The following ABCC12 variants were observed in gnomAD, a reference collection of about 807,000 sequenced individuals.
ABCC12 encodes the protein ATP binding cassette subfamily C member 12.
Under a neutral mutation model 151.1 loss-of-function variants are expected in ABCC12, and 142 were observed. The ratio of observed to expected loss-of-function variants is 0.94; its 90% CI spans 0.82 to 1.08. The LOEUF (loss-of-function observed/expected upper bound fraction) is 1.08. Ranked by LOEUF, ABCC12 falls within the 50% of genes least tolerant of loss-of-function variation. ABCC12 has a pLI of 0.00. For synonymous variants in ABCC12, 645 were observed against 646.4 expected (o/e 1.00, Z 0.03); for missense variants, 1,638 against 1,691.1 (o/e 0.97, Z 0.55).
intron 2 of ABCC12, 133 bp from the exon 3 acceptor site, chr16:48,146,607 T>A: frequency 1.7e-6 from 1 of 584,986 alleles, no homozygotes; most frequent in Middle Eastern, 3.8e-4. Flanking sequence ...GCTTTCCACA[T>A]TTGTAGGGGA....
intron 13 of ABCC12, among the ~76,000 whole-genome samples, chr16:48,118,735 C>G (rs1963972015): frequency 6.6e-6 from 1 of 152,204 alleles, no homozygotes; most frequent in Non-Finnish European, 1.5e-5. Context: ...GCCCAAGCAT[C>G]ATGCCCACAC....
At chr16:48,119,603 A>G (rs1597315023) in intron 13 of ABCC12, among the ~76,000 whole-genome samples, 1 of 152,252 alleles carries the variant, frequency 6.6e-6, no homozygotes, top group African/African-American at 2.4e-5. Flanking sequence ...ACAGGACGGC[A>G]TGGCCGGGGA....
At position 48,143,971 on chromosome 16, in the gene ABCC12, G is replaced by A; in HGVS notation, c.214C>T (p.Leu72=). ...AATGGGGGCAGGGTGTCTACGGTCA[G>A]CCTTTGCCGGTAGCCTTTCACCATC... ...PVMVKGYRQR[L]TVDTLPPLST... Residue 72 remains leucine (L), a synonymous_variant, in exon 4 of 31, where the codon CTG becomes TTG. Coordinates refer to ENST00000311303, the MANE Select transcript of ABCC12 (RefSeq NM_001393797.1). The A allele has an allele frequency of 1.2e-6, 2 of 1,614,166 alleles. No individual in the cohort carries two copies. The highest frequency in any genetic ancestry group is 1.7e-6 in the Non-Finnish European group (2 of 1,180,046).
At position 48,088,633 on chromosome 16, in the gene ABCC12, G is replaced by C. The variant is rs1266437104; in HGVS notation, c.3387C>G (p.Tyr1129Ter). ...EITFRDYQMR[Y>*]RDNTPLVLDS... is the part of the protein sequence containing the mutation. ...CGAGAACAAGGGGGGTGTTGTCTCT[G>C]TATCTCATCTGATAGTCTCTGAAGG... Residue 1129 changes from tyrosine (Y) to a stop codon, truncating the protein, a stop_gained, in exon 26 of 31, where the codon TAC (tyrosine) becomes TAG (stop). Coordinates refer to ENST00000311303, the MANE Select transcript of ABCC12 (RefSeq NM_001393797.1). LOFTEE classifies it high-confidence loss of function. 6.8e-6 allele frequency: 11 copies of C among 1,614,120 alleles called. No homozygotes were observed. The highest frequency in any genetic ancestry group is 1.7e-5 in the Admixed American group (1 of 60,014).
intron 8 of ABCC12, among the ~76,000 whole-genome samples, chr16:48,136,714 A>G (rs773685494): frequency 1.1e-4 from 16 of 152,218 alleles, no homozygotes; most frequent in Non-Finnish European, 2.4e-4. Flanking sequence ...GACATTGAGA[A>G]GAGACCTAAA....
At position 48,083,808 on chromosome 16, in the gene ABCC12, G is replaced by A. The variant is rs200207411; in HGVS notation, c.3994-7C>T. Reference sequence around the variant, plus strand: ...GCTTGTCAAACTCAATCACCTGAAAGTCAGAGAAGAAGAACTGAAATCATC... The same window carrying A: ...GCTTGTCAAACTCAATCACCTGAAAATCAGAGAAGAAGAACTGAAATCATC... On this transcript the variant is annotated splice_region_variant and splice_polypyrimidine_tract_variant and intron_variant, in intron 30 of 30. Transcript: ENST00000311303. The A allele has an allele frequency of 2.9e-3, 4,737 of 1,614,136 alleles. 6 individuals are homozygous for A. The highest frequency in any genetic ancestry group is 3.7e-3 in the Admixed American group (221 of 60,016).
intron 25 of ABCC12, among the ~76,000 whole-genome samples, chr16:48,090,290 T>A (rs1962824492): frequency 6.6e-6 from 1 of 152,008 alleles, no homozygotes; most frequent in Admixed American, 6.6e-5. Context: ...TGCAATGGCA[T>A]CATCACAGCT....
At chr16:48,136,302 G>A (rs1237921783) in intron 8 of ABCC12, among the ~76,000 whole-genome samples, 1 of 152,114 alleles carries the variant, frequency 6.6e-6, no homozygotes, top group Admixed American at 6.5e-5. Flanking sequence ...AGTTCTCTGT[G>A]CGTCCCAATC....
At chr16:48,133,947 G>C in intron 8 of ABCC12, 112 bp from the exon 9 acceptor site, 1 of 1,294,064 alleles carries the variant, frequency 7.7e-7, no homozygotes, top group Non-Finnish European at 1.1e-6. Flanking sequence ...CATGAGTCCT[G>C]TTGTGAAGTT....
chr16:48,127,063 A>G (rs1567453924), intron 11 of ABCC12, among the ~76,000 whole-genome samples: 3 of 152,088 alleles, frequency 2.0e-5, no homozygotes, highest in South Asian at 4.1e-4. Context: ...TCTGAGCTCA[A>G]TTGCACTCAG....
chr16:48,098,455 G>A (rs1459898834), intron 23 of ABCC12, among the ~76,000 whole-genome samples: 4 of 152,186 alleles, frequency 2.6e-5, no homozygotes, highest in African/African-American at 4.8e-5. Flanking sequence ...CTGCCTGGAA[G>A]CCCCTCTGAC....
intron 3 of ABCC12, among the ~76,000 whole-genome samples, chr16:48,144,650 C>T (rs1466579437): frequency 1.3e-5 from 2 of 152,158 alleles, no homozygotes; most frequent in Admixed American, 6.5e-5. Context: ...CCACACCTCA[C>T]TTTGCCTTTT....
At chr16:48,119,316 ATAGCCCATTC>A (rs1336017773) in intron 13 of ABCC12, among the ~76,000 whole-genome samples, 1 of 152,198 alleles carries the variant, frequency 6.6e-6, no homozygotes, top group African/African-American at 2.4e-5. Context: ...TGCATTTCTT[ATAGCCCATTC>A]CAGACTTGAG....
Position 48,117,268 on chromosome 16 carries a change from A to G in ABCC12, c.1778T>C (p.Leu593Pro), listed in dbSNP as rs749141032. The G allele has an allele frequency of 4.3e-6, 7 of 1,613,434 alleles. No homozygotes were observed. The highest frequency in any genetic ancestry group is 5.1e-6 in the Non-Finnish European group (6 of 1,179,774). The change falls in exon 14 of 31, where the codon CTG (leucine) becomes CCG (proline). Residue 593 changes from leucine to proline, a missense_variant. Coordinates refer to ENST00000311303, the MANE Select transcript of ABCC12 (RefSeq NM_001393797.1). ...GCTCCCAGCCCCGCTCACCTCAGTC[A>G]GGTCTCCATAGGGGAGGTTGCTCAG... ...KDLSNLPYGDLTEIGERGLNL... is the reference protein window; with the variant it reads ...KDLSNLPYGDPTEIGERGLNL...
In ABCC12 at chr16:48,084,001, C is replaced by T; in HGVS notation, c.3901G>A (p.Asp1301Asn). Reference sequence around the variant, plus strand: ...AGCACAGTGCAGCCCTTGAAGGCATCTTTGATGGTGTTCTGAACCAGGGTG... The same window carrying T: ...AGCACAGTGCAGCCCTTGAAGGCATTTTTGATGGTGTTCTGAACCAGGGTG... ...TDTLVQNTIK[D>N]AFKGCTVLTI... The change falls in exon 30 of 31, where the codon GAT becomes AAT. Residue 1301 changes from aspartate to asparagine, a missense_variant. By Grantham distance (23) the Asp-to-Asn change is conservative (BLOSUM62 1). Transcript: ENST00000311303. 1 of 1,612,738 alleles carries T rather than the reference C, an allele frequency of 6.2e-7. No homozygotes were observed. Among genetic ancestry groups the T allele is most frequent in the South Asian group, 1.1e-5 (1 of 90,590 alleles).
At chr16:48,139,910 CATG>C (rs141368180) in intron 6 of ABCC12, among the ~76,000 whole-genome samples, 14,747 of 152,174 alleles carry the variant, frequency 0.097, 808 homozygotes, top group African/African-American at 0.16. Flanking sequence ...ACTTTTGAAC[CATG>C]ATGACAGCCA....
At chr16:48,091,625 G>A (rs1962900699) in intron 24 of ABCC12, among the ~76,000 whole-genome samples, 1 of 152,062 alleles carries the variant, frequency 6.6e-6, no homozygotes, top group African/African-American at 2.4e-5. Flanking sequence ...AAAAACAACT[G>A]AAAACCACAT....
At chr16:48,089,439 GA>G (rs995344133) in intron 25 of ABCC12, among the ~76,000 whole-genome samples, 125 of 148,654 alleles carry the variant, frequency 8.4e-4, no homozygotes, top group African/African-American at 2.9e-3. Context: ...AGACATACAT[GA>G]AAAAAAAAAC....
chr16:48,128,321 A>G (rs1210353362), intron 11 of ABCC12, 138 bp downstream of exon 11: 12 of 1,319,004 alleles, frequency 9.1e-6, no homozygotes, highest in Non-Finnish European at 1.2e-5. Flanking sequence ...AAACTGGGGG[A>G]AAAATACAGG....
Sources: allele counts gnomAD v4.1 joint callset (sites outside exome capture counted in the v4.1 genomes callset), GRCh38; gene constraint gnomAD v4.1.1; transcripts MANE v1.5; gene names NCBI Gene and HGNC (gene_info 2026-07-23, HGNC 2026-07-21).